The following MGRN1 variants were observed in gnomAD, a reference collection of about 807,000 sequenced individuals.
MGRN1 encodes E3 ubiquitin-protein ligase MGRN1.
In MGRN1, 29 loss-of-function variants were observed where a neutral mutation model predicts 69.2. That is an observed-to-expected ratio of 0.42 (90% CI 0.31 to 0.57). The LOEUF (loss-of-function observed/expected upper bound fraction) is 0.57. Among genes scored for constraint, MGRN1 ranks in the 20% least tolerant of loss-of-function variants. The probability of loss-of-function intolerance (pLI) is 0.15; values close to 1 mark genes in which losing one functional copy is unlikely to be tolerated. For synonymous variants in MGRN1, 470 were observed against 344.2 expected (o/e 1.37, Z -4.04); for missense variants, 998 against 796.2 (o/e 1.25, Z -3.05).
intron 1 of MGRN1, among the ~76,000 whole-genome samples, chr16:4,632,130 C>A (rs141957223): frequency 4.6e-4 from 68 of 149,186 alleles, no homozygotes; most frequent in African/African-American, 1.7e-3. Context: ...TTCTCTCCTG[C>A]CTCAGCCTCC....
intron 1 of MGRN1, among the ~76,000 whole-genome samples, chr16:4,637,961 G>A (rs1411512465): frequency 6.6e-6 from 1 of 152,214 alleles, no homozygotes; most frequent in Non-Finnish European, 1.5e-5. Flanking sequence ...GTGCCCCAGC[G>A]TCTTTGCTTA....
chr16:4,688,492 C>CAG (rs2079385033), intron 16 of MGRN1: 5 of 1,167,140 alleles, frequency 4.3e-6, no homozygotes, highest in Non-Finnish European at 4.2e-6. Flanking sequence ...AGGGCAAGGG[C>CAG]AGGAGGCCCA....
rs372712923 is a variant in MGRN1, at chr16:4,637,623, C to T, written c.88+12575C>T. 1.1e-4 allele frequency among the ~76,000 whole-genome samples: 17 copies of T among 152,174 alleles called. No individual in the cohort carries two copies. In the East Asian group the frequency reaches 2.9e-3, roughly 26 times the overall value. On this transcript the variant is annotated intron_variant, in intron 1 of 16. Coordinates refer to ENST00000262370, the MANE Select transcript of MGRN1 (RefSeq NM_015246.4). ...GAAGTCCCAGTAACCTCAGGGGAAA[C>T]GGACAAGTGGAAGCTGCGGGAACCC...
rs747740375 is a variant in MGRN1, at chr16:4,683,863, G to A, written c.1549G>A (p.Glu517Lys). Residue 517 changes from glutamate (E) to lysine (K), a missense_variant, in exon 16 of 17, where the codon GAG becomes AAG. Transcript: ENST00000262370. ...PQQGTRAASI[E>K]NVLQDSSPEH... ...TGCAGGGACCCGAGCAGCTTCCATT[G>A]AGAATGTCCTGCAGGACAGCAGCCC... The A allele has an allele frequency of 1.2e-6, 2 of 1,608,808 alleles. No individual in the cohort carries two copies. Among genetic ancestry groups the A allele is most frequent in the Non-Finnish European group, 1.7e-6 (2 of 1,177,072 alleles).
At chr16:4,687,836 C>G in intron 16 of MGRN1, 1 of 985,484 alleles carries the variant, frequency 1.0e-6, no homozygotes, top group African/African-American at 1.7e-5. Context: ...CTTCTTTTGA[C>G]TGCGCTCTGC....
intron 2 of MGRN1, among the ~76,000 whole-genome samples, chr16:4,651,431 G>A (rs1200107588): frequency 6.6e-6 from 1 of 152,192 alleles, no homozygotes; most frequent in Non-Finnish European, 1.5e-5. Flanking sequence ...AGAGGCCATG[G>A]CTGAACCAAG....
At chr16:4,666,393 A>G (rs901100174) in intron 7 of MGRN1, among the ~76,000 whole-genome samples, 2 of 152,106 alleles carry the variant, frequency 1.3e-5, no homozygotes, top group African/African-American at 4.8e-5. Flanking sequence ...TGGCCTTCCA[A>G]AGTGCTGGGA....
chr16:4,689,877 T>C lies in MGRN1; in HGVS notation c.*969T>C, dbSNP rs2079417427. 1 of 152,092 alleles carries C rather than the reference T, an allele frequency of 6.6e-6. No individual in the cohort carries two copies. Among genetic ancestry groups the C allele is most frequent in the Non-Finnish European group, 1.5e-5 (1 of 68,032 alleles). The allele number at this position is 152,092 out of a possible 1,614,324, so 9.4% of individuals were successfully genotyped here. A position where few individuals can be genotyped will look rare whatever the true frequency, so the allele number is the denominator to read the frequency against. On this transcript the variant is annotated 3_prime_UTR_variant, in exon 17 of 17. Transcript: ENST00000262370. Reference sequence around the variant, plus strand: ...GCCTCCCGGGTTCAAGTGATCGTCCTGCCTTAGGCTCCTGAGTAGCTGGGG... The same window carrying C: ...GCCTCCCGGGTTCAAGTGATCGTCCCGCCTTAGGCTCCTGAGTAGCTGGGG...
At position 4,639,566 on chromosome 16, in the gene MGRN1, C is replaced by T. The variant is rs545042508; in HGVS notation, c.89-10799C>T. Reference sequence around the variant, plus strand: ...CAGGACAGTTGTCTCCAAGGCCTGCCTATGACTTGGGCATCCTGTCCCCAG... The same window carrying T: ...CAGGACAGTTGTCTCCAAGGCCTGCTTATGACTTGGGCATCCTGTCCCCAG... On this transcript the variant is annotated intron_variant, in intron 1 of 16. Transcript: ENST00000262370. 4.4e-4 allele frequency among the ~76,000 whole-genome samples: 67 copies of T among 152,336 alleles called. 2 individuals carry two copies. In the South Asian group the frequency reaches 0.014, roughly 31 times the overall value.
At chr16:4,673,713 C>A in intron 10 of MGRN1, 56 bp downstream of exon 10, 2 of 1,590,438 alleles carry the variant, frequency 1.3e-6, no homozygotes, top group Non-Finnish European at 8.6e-7. Context: ...GGACTGGCCA[C>A]ACCACGGTGG....
rs534534335 is a variant in MGRN1 at position 4,650,507 on chromosome 16, A to G, written c.207+24A>G. The G allele has an allele frequency of 1.6e-5, 25 of 1,566,324 alleles. No individual in the cohort carries two copies. In the East Asian group the frequency reaches 2.9e-4, roughly 18 times the overall value. ...AGGTGGGTCTGGACAGGGCTGTCTC[A>G]TGGGGCTGTGGGGGTGGGAGGCCCC... On this transcript the variant is annotated intron_variant, in intron 2 of 16. Coordinates refer to ENST00000262370, the MANE Select transcript of MGRN1 (RefSeq NM_015246.4).
At position 4,658,311 on chromosome 16, in the gene MGRN1, G is replaced by A. The variant is rs899702829; in HGVS notation, c.561+948G>A. 5.3e-4 allele frequency among the ~76,000 whole-genome samples: 80 copies of A among 151,690 alleles called. 2 individuals carry two copies. The highest frequency in any genetic ancestry group is 2.1e-4 in the South Asian group (1 of 4,800). Reference sequence around the variant, plus strand: ...AGCACTTTGGGAGGCCGAGGCAGGCGGATCACGAGGTCAGGAGATCAAGAC... The same window carrying A: ...AGCACTTTGGGAGGCCGAGGCAGGCAGATCACGAGGTCAGGAGATCAAGAC... On this transcript the variant is annotated intron_variant, in intron 5 of 16. Coordinates refer to ENST00000262370, the MANE Select transcript of MGRN1 (RefSeq NM_015246.4).
At chr16:4,668,030 G>A (rs905437421) in intron 7 of MGRN1, among the ~76,000 whole-genome samples, 2 of 152,156 alleles carry the variant, frequency 1.3e-5, no homozygotes, top group African/African-American at 2.4e-5. Flanking sequence ...GGGTCCCCGG[G>A]CTGTGTGTTC....
Position 4,625,035 on chromosome 16 carries a change from C to T in MGRN1, c.75C>T (p.Tyr25=). The change falls in exon 1 of 17, where the codon TAC becomes TAT. Residue 25 remains tyrosine (Y), a synonymous_variant. Coordinates refer to ENST00000262370, the MANE Select transcript of MGRN1 (RefSeq NM_015246.4). ...TCCAGGCGAACTCGGCCTATCGCTA[C>T]CCTCCGAAGTCCGGTGAGCGCCCGG... ...IDIQANSAYR[Y]PPKSGNYFAS... is the part of the protein sequence containing the mutation. 6.4e-7 allele frequency: 1 copy of T among 1,551,216 alleles called. No individual in the cohort carries two copies. The highest frequency in any genetic ancestry group is 2.7e-5 in the East Asian group (1 of 37,110).
intron 7 of MGRN1, among the ~76,000 whole-genome samples, chr16:4,666,969 G>A (rs530900838): frequency 2.0e-5 from 3 of 152,208 alleles, no homozygotes; most frequent in South Asian, 2.1e-4. Context: ...GTGGTGGGAC[G>A]CACGCTTGTT....
chr16:4,683,788 C>T lies in MGRN1; in HGVS notation c.1529-55C>T, dbSNP rs1216846811. 6.6e-6 allele frequency: 10 copies of T among 1,525,676 alleles called. No homozygotes were observed. The Admixed American group carries it at 8.7e-5, about 13-fold the overall frequency. The allele number at this position is 1,525,676 out of a possible 1,614,324, so 94.5% of individuals were successfully genotyped here. A position where few individuals can be genotyped will look rare whatever the true frequency, so the allele number is the denominator to read the frequency against. On this transcript the variant is annotated intron_variant, in intron 15 of 16. Coordinates refer to ENST00000262370, the MANE Select transcript of MGRN1 (RefSeq NM_015246.4). ...AGAGACGGCCTCCTGCCCAGAGGGA[C>T]CTGCCGGGACCTGGCCCCTGCCTGT...
intron 6 of MGRN1, 21 bp downstream of exon 6, chr16:4,664,796 C>A (rs1410094118): frequency 6.2e-7 from 1 of 1,613,824 alleles, no homozygotes; most frequent in Non-Finnish European, 8.5e-7. Flanking sequence ...CCTCTTCCGT[C>A]CTCCTGGGCG....
intron 5 of MGRN1, 85 bp from the exon 6 acceptor site, chr16:4,664,624 T>C: frequency 1.4e-6 from 2 of 1,414,960 alleles, no homozygotes; most frequent in South Asian, 2.3e-5. Context: ...TCCTGCCTGC[T>C]TTGTCCAGCT....
At chr16:4,655,184 A>G (rs150584479) in intron 4 of MGRN1, among the ~76,000 whole-genome samples, 31 of 152,252 alleles carry the variant, frequency 2.0e-4, no homozygotes, top group African/African-American at 7.2e-4. Flanking sequence ...AGGGGCTGCC[A>G]CAGAGAGGGT....
Sources: allele counts gnomAD v4.1 joint callset (sites outside exome capture counted in the v4.1 genomes callset), GRCh38; gene constraint gnomAD v4.1.1; transcripts MANE v1.5; gene names NCBI Gene and HGNC (gene_info 2026-07-23, HGNC 2026-07-21).